Variants in RALGPS1 observed in about 807,000 individuals in gnomAD.
RALGPS1 encodes the protein ras-specific guanine nucleotide-releasing factor RalGPS1.
RALGPS1 carries 19 observed loss-of-function variants against 78.8 expected under a neutral mutation model. That is an observed-to-expected ratio of 0.24 (90% CI 0.17 to 0.35). RALGPS1 has a LOEUF of 0.35. Ranked by LOEUF, RALGPS1 falls within the 10% of genes least tolerant of loss-of-function variation. The pLI, the probability that RALGPS1 is intolerant of heterozygous loss-of-function variation, is 1.00. For synonymous variants in RALGPS1, 228 were observed against 256.3 expected, an observed-to-expected ratio of 0.89 and a Z score of 1.06; for missense variants, 454 against 688.3, an observed-to-expected ratio of 0.66 and a Z score of 3.81.
At chr9:126,933,862 T>C (rs1309113228) in intron 1 of RALGPS1, among the ~76,000 whole-genome samples, 1 of 152,148 alleles carries the variant, frequency 6.6e-6, no homozygotes, top group Non-Finnish European at 1.5e-5. Context: ...TATACTCTTT[T>C]TCACACAGCA....
chr9:127,097,235 G>A (rs535825410), intron 8 of RALGPS1, among the ~76,000 whole-genome samples: 27 of 152,304 alleles, frequency 1.8e-4, no homozygotes, highest in African/African-American at 6.0e-4. Context: ...TTCAACGATT[G>A]TAGTGTCTGT....
At chr9:126,965,804 A>C (rs563125136) in intron 2 of RALGPS1, 40 bp from the exon 3 acceptor site, 16 of 1,483,782 alleles carry the variant, frequency 1.1e-5, no homozygotes, top group East Asian at 9.0e-5. Flanking sequence ...ATTCCACGTC[A>C]TATCATTCAG....
chr9:126,963,385 G>T (rs2039106472), intron 2 of RALGPS1, among the ~76,000 whole-genome samples: 1 of 151,990 alleles, frequency 6.6e-6, no homozygotes, highest in African/African-American at 2.4e-5. Flanking sequence ...ATTTGAGTGT[G>T]TATATATATG....
At chr9:126,963,854 C>T (rs1388453198) in intron 2 of RALGPS1, among the ~76,000 whole-genome samples, 1 of 152,118 alleles carries the variant, frequency 6.6e-6, no homozygotes, top group East Asian at 1.9e-4. Flanking sequence ...ACCCTGTCAC[C>T]CTGATATATT....
chr9:126,978,757 CCTT>C (rs763711077), intron 4 of RALGPS1, among the ~76,000 whole-genome samples: 6 of 152,286 alleles, frequency 3.9e-5, no homozygotes, highest in East Asian at 1.9e-4. Flanking sequence ...TTTTACCTCT[CCTT>C]CTCCTGCTTT....
chr9:127,097,329 A>C (rs2053243808), intron 8 of RALGPS1, among the ~76,000 whole-genome samples: 1 of 152,266 alleles, frequency 6.6e-6, no homozygotes, highest in Non-Finnish European at 1.5e-5. Context: ...TCGAGTAGGT[A>C]TCAAATTGTG....
At chr9:127,141,034 T>G (rs1588133332) in intron 8 of RALGPS1, among the ~76,000 whole-genome samples, 1 of 151,046 alleles carries the variant, frequency 6.6e-6, no homozygotes. Context: ...CCAAAGGGAG[T>G]AGGAGAGGAC....
chr9:127,208,529 C>T (rs936179919), intron 14 of RALGPS1, among the ~76,000 whole-genome samples: 1 of 152,210 alleles, frequency 6.6e-6, no homozygotes, highest in African/African-American at 2.4e-5. Context: ...CACTGAGCCT[C>T]AGTTTCCTCA....
intron 8 of RALGPS1, 138 bp from the exon 9 acceptor site, chr9:127,165,931 G>A (rs2059269284): frequency 1.5e-6 from 2 of 1,295,154 alleles, no homozygotes; most frequent in Non-Finnish European, 2.0e-6. Flanking sequence ...AATCAGGATT[G>A]GAATTAAAGT....
At chr9:127,167,296 G>A (rs576329742) in intron 9 of RALGPS1, among the ~76,000 whole-genome samples, 14 of 152,304 alleles carry the variant, frequency 9.2e-5, no homozygotes, top group Admixed American at 2.0e-4. Flanking sequence ...CTTCAGGGCC[G>A]CTTTCCTCTG....
At chr9:127,163,222 T>C (rs1191688226) in intron 8 of RALGPS1, among the ~76,000 whole-genome samples, 1 of 152,146 alleles carries the variant, frequency 6.6e-6, no homozygotes, top group Non-Finnish European at 1.5e-5. Flanking sequence ...GAGGATGCTT[T>C]TTGTTGTGGT....
At chr9:126,933,178 C>T (rs2035956172) in intron 1 of RALGPS1, among the ~76,000 whole-genome samples, 2 of 152,058 alleles carry the variant, frequency 1.3e-5, no homozygotes, top group South Asian at 4.2e-4. Context: ...AGGCCAGAGA[C>T]CAGCGAGGCT....
rs1023189411 is a variant in RALGPS1 at position 127,203,135 on chromosome 9, G to A, written c.1247+4069G>A. Among the ~76,000 whole-genome samples, 15 of 152,190 alleles carry A rather than the reference G, an allele frequency of 9.9e-5. No individual in the cohort carries two copies. In the East Asian group the frequency reaches 2.9e-3, roughly 29 times the overall value. ...CTACGAGTTAAAGGATTTTAAATGA[G>A]GTGTTTTTAAAAAGATGAACAAAGT... On this transcript the variant is annotated intron_variant, in intron 14 of 18. Transcript: ENST00000259351.
chr9:126,947,357 C>T (rs2037376566), intron 1 of RALGPS1, among the ~76,000 whole-genome samples: 1 of 152,142 alleles, frequency 6.6e-6, no homozygotes, highest in African/African-American at 2.4e-5. Context: ...TAAAAATGCT[C>T]CAAAATCTGA....
intron 3 of RALGPS1, among the ~76,000 whole-genome samples, chr9:126,972,960 G>T (rs1330535084): frequency 2.0e-5 from 3 of 152,170 alleles, no homozygotes; most frequent in Non-Finnish European, 4.4e-5. Context: ...TACTCAGGAG[G>T]CTGAGGCAGG....
chr9:127,133,504 T>C (rs1057204727), intron 8 of RALGPS1, among the ~76,000 whole-genome samples: 1 of 152,200 alleles, frequency 6.6e-6, no homozygotes, highest in Non-Finnish European at 1.5e-5. Context: ...CCCTTTCTGC[T>C]ACCTGCCAGC....
At chr9:126,933,183 G>A (rs1316565766) in intron 1 of RALGPS1, among the ~76,000 whole-genome samples, 1 of 152,168 alleles carries the variant, frequency 6.6e-6, no homozygotes, top group East Asian at 1.9e-4. Flanking sequence ...AGAGACCAGC[G>A]AGGCTAAGGA....
chr9:127,199,104 G>A (rs377423696), intron 14 of RALGPS1, 38 bp downstream of exon 14: 21 of 1,594,252 alleles, frequency 1.3e-5, no homozygotes, highest in African/African-American at 8.1e-5. Context: ...TCCCAGGGGC[G>A]GTGCTCAGGG....
At chr9:126,951,436 C>T (rs573204961) in intron 1 of RALGPS1, among the ~76,000 whole-genome samples, 4 of 151,308 alleles carry the variant, frequency 2.6e-5, no homozygotes, top group South Asian at 2.1e-4. Context: ...ACTGGCAAAC[C>T]GAATCCAGCA....
Sources: allele counts gnomAD v4.1 joint callset (sites outside exome capture counted in the v4.1 genomes callset), GRCh38; gene constraint gnomAD v4.1.1; transcripts MANE v1.5; gene names NCBI Gene and HGNC (gene_info 2026-07-23, HGNC 2026-07-21).